RORA: variants seen among roughly 807,000 people sequenced by gnomAD.
The protein encoded by RORA is RAR related orphan receptor A, also known as nuclear receptor ROR-alpha.
A neutral mutation model predicts 69.5 loss-of-function variants in RORA; 7 were observed. The observed-to-expected ratio is 0.10, with a 90% CI of 0.06 to 0.19. RORA has a LOEUF of 0.19. RORA is among the 10% of genes least tolerant of loss of function. RORA has a pLI of 1.00. For synonymous variants in RORA, 261 were observed against 240.8 expected (o/e 1.08, Z -0.78); for missense variants, 457 against 663.0 (o/e 0.69, Z 3.41).
At chr15:61,207,193 T>C (rs1357581466) in intron 1 of RORA, among the ~76,000 whole-genome samples, 1 of 152,080 alleles carries the variant, frequency 6.6e-6, no homozygotes, top group Non-Finnish European at 1.5e-5. Context: ...GGCCCAACCT[T>C]TCTGAAATTT....
At chr15:61,174,019 T>G (rs2079607191) in intron 1 of RORA, among the ~76,000 whole-genome samples, 1 of 152,178 alleles carries the variant, frequency 6.6e-6, no homozygotes, top group Non-Finnish European at 1.5e-5. Flanking sequence ...TTGGCAGAAA[T>G]TTTGGAAAAC....
At chr15:60,544,350 A>C (rs1297880954) in intron 2 of RORA, among the ~76,000 whole-genome samples, 1 of 152,148 alleles carries the variant, frequency 6.6e-6, no homozygotes, top group Non-Finnish European at 1.5e-5. Flanking sequence ...CCTAGTAACT[A>C]ATTTTTCATT....
At chr15:60,882,275 T>C (rs1172632583) in intron 1 of RORA, among the ~76,000 whole-genome samples, 3 of 152,210 alleles carry the variant, frequency 2.0e-5, no homozygotes, top group Non-Finnish European at 4.4e-5. Flanking sequence ...TATTTGGCAA[T>C]GTTTGAAGAC....
intron 3 of RORA, chr15:60,529,249 A>G (rs2066456987): frequency 6.6e-6 from 1 of 152,204 alleles, no homozygotes; most frequent in South Asian, 2.1e-4. Context: ...TCTTATGTTT[A>G]ATTACACTAT....
intron 1 of RORA, among the ~76,000 whole-genome samples, chr15:61,040,444 A>T (rs190263705): frequency 4.6e-5 from 7 of 151,894 alleles, no homozygotes; most frequent in African/African-American, 7.2e-5. Flanking sequence ...TTCTCGCAAA[A>T]CATTGATATA....
chr15:60,555,514 T>A (rs2140403727), intron 2 of RORA, among the ~76,000 whole-genome samples: 1 of 152,328 alleles, frequency 6.6e-6, no homozygotes, highest in South Asian at 2.1e-4. Flanking sequence ...TGCCAACGTC[T>A]ACCCTGTTTC....
chr15:60,766,668 G>C (rs1276723001), intron 1 of RORA, among the ~76,000 whole-genome samples: 1 of 84,030 alleles, frequency 1.2e-5, no homozygotes. Context: ...TTCACAGACT[G>C]CACTTTTTTT....
chr15:60,633,157 C>A (rs1025880631), intron 2 of RORA, among the ~76,000 whole-genome samples: 2 of 152,192 alleles, frequency 1.3e-5, no homozygotes, highest in Non-Finnish European at 1.5e-5. Flanking sequence ...AATATGCAGA[C>A]CAGGTCATGC....
chr15:60,766,757 T>G (rs1305893806), intron 1 of RORA, among the ~76,000 whole-genome samples: 1 of 152,138 alleles, frequency 6.6e-6, no homozygotes, highest in Non-Finnish European at 1.5e-5. Context: ...CCTGGGCTTG[T>G]GCTATGGCAT....
chr15:60,954,774 C>T (rs968157248), intron 1 of RORA, among the ~76,000 whole-genome samples: 5 of 152,112 alleles, frequency 3.3e-5, no homozygotes, highest in African/African-American at 1.2e-4. Flanking sequence ...ACTCCAAGAC[C>T]AGTTATTTTT....
chr15:61,146,638 A>G (rs2079352722), intron 1 of RORA, among the ~76,000 whole-genome samples: 1 of 152,148 alleles, frequency 6.6e-6, no homozygotes, highest in Non-Finnish European at 1.5e-5. Context: ...ATGATTTCAG[A>G]CAATTACTCA....
chr15:60,494,678 A>G lies in RORA; in HGVS notation c.*2777T>C, dbSNP rs953887442. 1.3e-5 allele frequency: 2 copies of G among 152,312 alleles called. No individual in the cohort carries two copies. Among genetic ancestry groups the G allele is most frequent in the African/African-American group, 2.4e-5 (1 of 41,558 alleles). 9.4% of individuals were successfully genotyped at this position (152,312 alleles called of 1,614,324 possible). On this transcript the variant is annotated 3_prime_UTR_variant, in exon 11 of 11. Transcript: ENST00000335670. The stretch of plus-strand genomic sequence containing the variant: ...TTCATGGAGCATGTCTCTGTCTACA[A>G]TTCCATCCTATTATGTCAATCAGTG...
In RORA at chr15:60,880,976, T is replaced by G. The variant is rs1444499361; in HGVS notation, c.167-202290A>C. On this transcript the variant is annotated intron_variant, in intron 1 of 10. Coordinates refer to ENST00000335670, the MANE Select transcript of RORA (RefSeq NM_134261.3). ...TCAGCCTCTATCTCTCACCCCTATT[T>G]TAACCTCAAGGCCTCTTCTGTAGAC... Among the ~76,000 whole-genome samples the G allele has an allele frequency of 2.6e-5, 4 of 152,306 alleles. No individual in the cohort carries two copies. In the East Asian group the frequency reaches 7.7e-4, roughly 29 times the overall value.
intron 2 of RORA, among the ~76,000 whole-genome samples, chr15:60,541,393 C>T (rs1037365356): frequency 2.0e-4 from 31 of 152,278 alleles, no homozygotes; most frequent in Admixed American, 1.0e-3. Context: ...GACCAAACAA[C>T]GTGAGGACTT....
At chr15:61,113,259 G>C (rs1156860160) in intron 1 of RORA, among the ~76,000 whole-genome samples, 7 of 152,230 alleles carry the variant, frequency 4.6e-5, no homozygotes, top group African/African-American at 1.7e-4. Context: ...AAGTAAGTGA[G>C]AAGTGATTTG....
At chr15:61,111,172 G>A (rs782924) in intron 1 of RORA, among the ~76,000 whole-genome samples, 6 of 152,162 alleles carry the variant, frequency 3.9e-5, no homozygotes, top group Non-Finnish European at 8.8e-5. Context: ...CTCTTTTTAA[G>A]GTGAAGGAAC....
At chr15:60,541,415 T>C (rs1206846921) in intron 2 of RORA, among the ~76,000 whole-genome samples, 3 of 152,236 alleles carry the variant, frequency 2.0e-5, no homozygotes, top group Admixed American at 6.5e-5. Flanking sequence ...TTTCTGACTT[T>C]CCCTAAATGC....
intron 1 of RORA, among the ~76,000 whole-genome samples, chr15:60,732,934 A>C (rs1467144198): frequency 6.6e-6 from 1 of 152,210 alleles, no homozygotes; most frequent in Non-Finnish European, 1.5e-5. Context: ...CTTTCAAAAC[A>C]AAAACTACTT....
At chr15:61,058,289 G>C (rs1291669984) in intron 1 of RORA, among the ~76,000 whole-genome samples, 1 of 152,142 alleles carries the variant, frequency 6.6e-6, no homozygotes, top group Non-Finnish European at 1.5e-5. Context: ...GAGTTTTGGA[G>C]TTCTTCCATG....
Sources: allele counts gnomAD v4.1 joint callset (sites outside exome capture counted in the v4.1 genomes callset), GRCh38; gene constraint gnomAD v4.1.1; transcripts MANE v1.5; gene names NCBI Gene and HGNC (gene_info 2026-07-23, HGNC 2026-07-21).